NRG1: variants seen among roughly 807,000 people sequenced by gnomAD.
NRG1 encodes neuregulin 1.
Under a neutral mutation model 63.8 loss-of-function variants are expected in NRG1, and 18 were observed. The ratio of observed to expected loss-of-function variants is 0.28; its 90% CI spans 0.19 to 0.42. NRG1 has a LOEUF of 0.42. Ranked by LOEUF, NRG1 falls within the 10% of genes least tolerant of loss-of-function variation. The probability of loss-of-function intolerance (pLI) is 1.00; values close to 1 mark genes in which losing one functional copy is unlikely to be tolerated. For missense variants in NRG1, 762 were observed against 814.7 expected (o/e 0.94, Z 0.79); for synonymous variants, 302 against 301.3 (o/e 1.00, Z -0.02).
chr8:31,907,461 T>C (rs1832620480), intron 1 of NRG1, among the ~76,000 whole-genome samples: 1 of 151,834 alleles, frequency 6.6e-6, no homozygotes, highest in African/African-American at 2.4e-5. Context: ...TCGAGAGTTA[T>C]AGAAAACCAG....
rs574199162 is a variant in NRG1 at position 32,501,038 on chromosome 8, G to A, written c.38-94790G>A. Among the ~76,000 whole-genome samples, 4 of 152,348 alleles carry A rather than the reference G, an allele frequency of 2.6e-5. No homozygotes were observed. In the South Asian group the frequency reaches 8.3e-4, roughly 32 times the overall value. ...ACTCCAGAGTACCTGCCAAGGTTTT[G>A]TTCATGAATCTCTAATATGCTCTTT... is the stretch of plus-strand genomic sequence containing the variant. On this transcript the variant is annotated intron_variant, in intron 1 of 10. Coordinates refer to the NRG1 transcript ENST00000519301.
chr8:32,639,265 G>T (rs971384567), intron 5 of NRG1, among the ~76,000 whole-genome samples: 2 of 152,110 alleles, frequency 1.3e-5, no homozygotes, highest in African/African-American at 4.8e-5. Context: ...AATTAGCCAG[G>T]TGTGGTGGTG....
chr8:31,696,373 G>A (rs893229625), intron 1 of NRG1, among the ~76,000 whole-genome samples: 15 of 152,200 alleles, frequency 9.9e-5, no homozygotes, highest in African/African-American at 3.4e-4. Flanking sequence ...GGTCTATTGA[G>A]TGTTTAGTAT....
At chr8:31,714,340 G>A (rs999339343) in intron 1 of NRG1, among the ~76,000 whole-genome samples, 1 of 151,794 alleles carries the variant, frequency 6.6e-6, no homozygotes, top group Admixed American at 6.6e-5. Flanking sequence ...GATTTTTTTT[G>A]TATTGGTGGT....
chr8:32,486,317 A>C lies in NRG1; in HGVS notation c.38-109511A>C, dbSNP rs955192922. Among the ~76,000 whole-genome samples the C allele has an allele frequency of 3.9e-5, 6 of 152,268 alleles. No individual in the cohort carries two copies. In the South Asian group the frequency reaches 1.2e-3, roughly 32 times the overall value. On this transcript the variant is annotated intron_variant, in intron 1 of 10. Coordinates refer to the NRG1 transcript ENST00000519301. ...GGGAGTTCTTATTCAGATAGCTAACAAATTCCAGGCACCTCCTGTACTATA... is the reference window on the plus strand; with the variant it reads ...GGGAGTTCTTATTCAGATAGCTAACCAATTCCAGGCACCTCCTGTACTATA...
At chr8:32,643,563 C>T (rs547501393) in intron 5 of NRG1, among the ~76,000 whole-genome samples, 44 of 152,230 alleles carry the variant, frequency 2.9e-4, no homozygotes, top group African/African-American at 9.4e-4. Context: ...CACCAGCTGA[C>T]GTCAAATGAA....
At chr8:32,328,377 A>G (rs2129477382) in intron 1 of NRG1, among the ~76,000 whole-genome samples, 1 of 152,310 alleles carries the variant, frequency 6.6e-6, no homozygotes, top group South Asian at 2.1e-4. Flanking sequence ...AACATTTAAA[A>G]AGAATAATAG....
rs887818392 is a variant in NRG1 at position 31,935,433 on chromosome 8, T to A, written c.37+296002T>A. 4.6e-5 allele frequency among the ~76,000 whole-genome samples: 7 copies of A among 152,132 alleles called. No homozygotes were observed. In the East Asian group the frequency reaches 1.4e-3, roughly 29 times the overall value. ...CTACCACACCCAGCCTAATATTTTA[T>A]TTTTTGTAGACACAGGGTCCCCTTA... is the stretch of plus-strand genomic sequence containing the variant. On this transcript the variant is annotated intron_variant, in intron 1 of 10. Coordinates refer to the NRG1 transcript ENST00000519301.
chr8:32,514,033 A>G (rs886478563), intron 1 of NRG1, among the ~76,000 whole-genome samples: 1 of 152,196 alleles, frequency 6.6e-6, no homozygotes, highest in African/African-American at 2.4e-5. Context: ...TAACAGGTTC[A>G]TAACCTAAGT....
chr8:31,811,459 A>T (rs1048626552), intron 1 of NRG1, among the ~76,000 whole-genome samples: 1 of 152,180 alleles, frequency 6.6e-6, no homozygotes, highest in Admixed American at 6.5e-5. Flanking sequence ...CCATGCACTT[A>T]TTCTAAAATA....
chr8:32,224,613 A>G (rs1174349810), intron 1 of NRG1, among the ~76,000 whole-genome samples: 1 of 152,202 alleles, frequency 6.6e-6, no homozygotes, highest in Non-Finnish European at 1.5e-5. Flanking sequence ...GTCCACAAGA[A>G]CTGTGTAATT....
chr8:32,307,586 GGTTTGT>G (rs1339582786), intron 1 of NRG1, among the ~76,000 whole-genome samples: 10,647 of 108,864 alleles, frequency 0.098, 501 homozygotes, highest in African/African-American at 0.17. Flanking sequence ...GTCACCCAGG[GGTTTGT>G]GTGTGTGTGT....
At chr8:32,032,320 G>C (rs2130492626) in intron 1 of NRG1, among the ~76,000 whole-genome samples, 1 of 151,952 alleles carries the variant, frequency 6.6e-6, no homozygotes, top group South Asian at 2.1e-4. Context: ...GAGTGGTGCA[G>C]TGGCACCATC....
chr8:31,756,947 A>G, intron 1 of NRG1, among the ~76,000 whole-genome samples: 1 of 152,142 alleles, frequency 6.6e-6, no homozygotes, highest in Admixed American at 6.6e-5. Context: ...TATTAGCAAT[A>G]CATTAACCAA....
intron 5 of NRG1, among the ~76,000 whole-genome samples, chr8:32,662,821 G>C (rs1453601302): frequency 6.6e-6 from 1 of 152,118 alleles, no homozygotes; most frequent in Non-Finnish European, 1.5e-5. Flanking sequence ...ATGATCTAAA[G>C]ATCATTTTGC....
chr8:31,944,710 GTAA>G (rs1467074741), intron 1 of NRG1, among the ~76,000 whole-genome samples: 4 of 152,138 alleles, frequency 2.6e-5, no homozygotes, highest in African/African-American at 4.8e-5. Flanking sequence ...AAGAGAGCAA[GTAA>G]TAATGTTATA....
intron 1 of NRG1, among the ~76,000 whole-genome samples, chr8:32,470,860 T>C (rs1020449713): frequency 1.3e-5 from 2 of 152,076 alleles, no homozygotes; most frequent in South Asian, 2.1e-4. Context: ...GAAAGTGGCA[T>C]GATGATGGCT....
At chr8:32,230,265 A>T (rs1425135158) in intron 1 of NRG1, among the ~76,000 whole-genome samples, 1 of 152,194 alleles carries the variant, frequency 6.6e-6, no homozygotes, top group Non-Finnish European at 1.5e-5. Context: ...GGCAGCCAAC[A>T]ATTCCTGGAA....
At chr8:32,127,688 G>T in intron 1 of NRG1, among the ~76,000 whole-genome samples, 1 of 151,880 alleles carries the variant, frequency 6.6e-6, no homozygotes, top group East Asian at 1.9e-4. Context: ...GCACAAATAC[G>T]TGAATTCTGA....
Sources: gnomAD v4.1 joint callset for allele counts (sites outside exome capture counted in the v4.1 genomes callset) on GRCh38, gnomAD v4.1.1 for gene constraint, MANE v1.5 for transcripts, NCBI Gene and HGNC (gene_info 2026-07-23, HGNC 2026-07-21) for gene names.